The following MAGI2 variants were observed in gnomAD, a reference collection of about 807,000 sequenced individuals.
MAGI2 encodes membrane-associated guanylate kinase, WW and PDZ domain-containing protein 2.
A neutral mutation model predicts 133.3 loss-of-function variants in MAGI2; 35 were observed. The observed-to-expected ratio is 0.26, with a 90% CI of 0.20 to 0.35. The LOEUF (loss-of-function observed/expected upper bound fraction) is 0.35. Ranked by LOEUF, MAGI2 falls within the 10% of genes least tolerant of loss-of-function variation. The pLI is 1.00. For synonymous variants in MAGI2, 729 were observed against 710.6 expected (o/e 1.03, Z -0.41); for missense variants, 1,636 against 1,863.4 (o/e 0.88, Z 2.25).
intron 6 of MAGI2, among the ~76,000 whole-genome samples, chr7:78,372,212 C>T (rs79297458): frequency 0.054 from 8,202 of 152,092 alleles, 322 homozygotes; most frequent in South Asian, 0.095. Flanking sequence ...AGTTTTTCTT[C>T]ACTTGTAAAA....
At chr7:78,583,739 C>T (rs1309585746) in intron 3 of MAGI2, among the ~76,000 whole-genome samples, 1 of 152,012 alleles carries the variant, frequency 6.6e-6, no homozygotes, top group Non-Finnish European at 1.5e-5. Flanking sequence ...AAATGAAGAC[C>T]TGTTGCTTGA....
intron 1 of MAGI2, among the ~76,000 whole-genome samples, chr7:79,130,263 G>C (rs1266090569): frequency 6.6e-6 from 1 of 152,098 alleles, no homozygotes; most frequent in East Asian, 1.9e-4. Context: ...AGTGAGCTAT[G>C]ACAGCGCCAT....
intron 14 of MAGI2, among the ~76,000 whole-genome samples, chr7:78,174,276 A>G (rs1049099629): frequency 6.6e-6 from 1 of 152,336 alleles, no homozygotes; most frequent in East Asian, 1.9e-4. Flanking sequence ...AAAGGGGGAA[A>G]AAAGAGCACA....
chr7:79,211,138 G>A (rs1829459718), intron 1 of MAGI2, among the ~76,000 whole-genome samples: 1 of 152,022 alleles, frequency 6.6e-6, no homozygotes, highest in African/African-American at 2.4e-5. Flanking sequence ...TAATAAAGAG[G>A]CATGTGTGAA....
chr7:79,451,836 T>C (rs1849279079), intron 1 of MAGI2, among the ~76,000 whole-genome samples: 2 of 152,088 alleles, frequency 1.3e-5, no homozygotes, highest in African/African-American at 4.8e-5. Context: ...GTGACGCAAA[T>C]ATCCATACAT....
At chr7:78,502,782 G>C (rs553940730) in intron 4 of MAGI2, among the ~76,000 whole-genome samples, 1 of 152,248 alleles carries the variant, frequency 6.6e-6, no homozygotes, top group East Asian at 1.9e-4. Flanking sequence ...GTGGTAACAG[G>C]CTTGGAGGAC....
intron 2 of MAGI2, among the ~76,000 whole-genome samples, chr7:78,909,583 A>T (rs1268170199): frequency 7.0e-6 from 1 of 143,288 alleles, no homozygotes; most frequent in African/African-American, 2.6e-5. Flanking sequence ...AGCCTGGGCT[A>T]CAGAGTGAGA....
chr7:78,674,781 A>G (rs1814807793), intron 2 of MAGI2, among the ~76,000 whole-genome samples: 2 of 152,144 alleles, frequency 1.3e-5, no homozygotes, highest in South Asian at 4.1e-4. Context: ...AAGACCATGG[A>G]CAGTTACTAG....
intron 1 of MAGI2, among the ~76,000 whole-genome samples, chr7:79,324,172 C>G (rs1839415384): frequency 7.4e-6 from 1 of 136,048 alleles, no homozygotes; most frequent in South Asian, 2.3e-4. Context: ...TTCAATTTTT[C>G]AAATTTTTAT....
At chr7:78,730,873 G>A (rs1211171549) in intron 2 of MAGI2, among the ~76,000 whole-genome samples, 4 of 152,088 alleles carry the variant, frequency 2.6e-5, no homozygotes, top group Non-Finnish European at 5.9e-5. Context: ...CTGGGTAGCA[G>A]AAAGATATAT....
chr7:78,395,266 GT>G (rs1345590618), intron 6 of MAGI2, among the ~76,000 whole-genome samples: 3 of 152,196 alleles, frequency 2.0e-5, no homozygotes, highest in African/African-American at 7.2e-5. Context: ...ATAAGATATA[GT>G]GAGAGAAATA....
At chr7:78,377,451 A>G (rs1794543731) in intron 6 of MAGI2, among the ~76,000 whole-genome samples, 1 of 151,994 alleles carries the variant, frequency 6.6e-6, no homozygotes, top group Admixed American at 6.6e-5. Flanking sequence ...AGTATGAAGA[A>G]TTGAAAGAAA....
intron 1 of MAGI2, among the ~76,000 whole-genome samples, chr7:79,114,354 A>T (rs1416725639): frequency 6.6e-6 from 1 of 152,192 alleles, no homozygotes; most frequent in African/African-American, 2.4e-5. Context: ...TGAATGTTAC[A>T]GGCTTACCAA....
chr7:78,707,538 C>T (rs527301470), intron 2 of MAGI2, among the ~76,000 whole-genome samples: 104 of 152,138 alleles, frequency 6.8e-4, no homozygotes, highest in African/African-American at 2.4e-3. Flanking sequence ...CCCAAATAAA[C>T]ATTATTATTT....
At chr7:78,742,605 T>C (rs1274225853) in intron 2 of MAGI2, among the ~76,000 whole-genome samples, 3 of 152,220 alleles carry the variant, frequency 2.0e-5, no homozygotes, top group Admixed American at 1.3e-4. Flanking sequence ...ATAATTTATT[T>C]ACTCAAAGCT....
intron 1 of MAGI2, among the ~76,000 whole-genome samples, chr7:79,018,137 A>G (rs1808922951): frequency 6.6e-6 from 1 of 152,090 alleles, no homozygotes; most frequent in African/African-American, 2.4e-5. Context: ...AAGAAATGTC[A>G]AAGGCAGCTA....
chr7:79,351,711 T>G (rs1053651645), intron 1 of MAGI2: 1 of 152,186 alleles, frequency 6.6e-6, no homozygotes, highest in African/African-American at 2.4e-5. Context: ...AGCACGTCAA[T>G]GTGAAAGATG....
At chr7:78,557,365 C>G (rs1389810417) in intron 3 of MAGI2, among the ~76,000 whole-genome samples, 2 of 152,156 alleles carry the variant, frequency 1.3e-5, no homozygotes, top group African/African-American at 4.8e-5. Context: ...CCTTCCAAGA[C>G]CTGGTACCAT....
In MAGI2 at chr7:78,833,997, A is replaced by T. The variant is rs946378015; in HGVS notation, c.418+173093T>A. Among the ~76,000 whole-genome samples the T allele has an allele frequency of 2.0e-5, 3 of 152,170 alleles. No homozygotes were observed. In the East Asian group the frequency reaches 5.8e-4, roughly 29 times the overall value. On this transcript the variant is annotated intron_variant, in intron 2 of 21. Coordinates refer to ENST00000354212, the MANE Select transcript of MAGI2 (RefSeq NM_012301.4). ...TGAAAGTCATTATTATGTCCCCTAT[A>T]CTTTAAAATTCAGTTTTTGGAGATG... is the stretch of plus-strand genomic sequence containing the variant.
Sources: allele counts gnomAD v4.1 joint callset (sites outside exome capture counted in the v4.1 genomes callset), GRCh38; gene constraint gnomAD v4.1.1; transcripts MANE v1.5; gene names NCBI Gene and HGNC (gene_info 2026-07-23, HGNC 2026-07-21).